Variants in MACROD2 observed in about 807,000 individuals in gnomAD.
The protein encoded by MACROD2 is mono-ADP ribosylhydrolase 2, also known as ADP-ribose glycohydrolase MACROD2.
MACROD2 carries 36 observed loss-of-function variants against 70.4 expected under a neutral mutation model. The ratio of observed to expected loss-of-function variants is 0.51; its 90% CI spans 0.39 to 0.68. The LOEUF (loss-of-function observed/expected upper bound fraction) is 0.68, where lower values mean the gene tolerates loss of function less well. Among genes scored for constraint, MACROD2 ranks in the 30% least tolerant of loss-of-function variants. The probability of loss-of-function intolerance (pLI) is 0.00; values close to 1 mark genes in which losing one functional copy is unlikely to be tolerated. For missense variants in MACROD2, 496 were observed against 538.4 expected, an observed-to-expected ratio of 0.92 and a Z score of 0.78; for synonymous variants, 172 against 178.8, an observed-to-expected ratio of 0.96 and a Z score of 0.30.
At chr20:14,443,136 C>T (rs1392060067) in intron 3 of MACROD2, among the ~76,000 whole-genome samples, 1 of 151,586 alleles carries the variant, frequency 6.6e-6, no homozygotes, top group African/African-American at 2.4e-5. Context: ...GACCCTGCCA[C>T]AGAAAACTTG....
rs1178367623 is a variant in MACROD2 at position 14,756,652 on chromosome 20, C to G, written c.418+71693C>G. On this transcript the variant is annotated intron_variant, in intron 5 of 17. Transcript: ENST00000684519. Reference sequence around the variant, plus strand: ...TCTAATGAGGCTTTAGACTACTGCTCCTAGCTTTATGAAAATATTTCTAAC... The same window carrying G: ...TCTAATGAGGCTTTAGACTACTGCTGCTAGCTTTATGAAAATATTTCTAAC... 4.6e-5 allele frequency among the ~76,000 whole-genome samples: 7 copies of G among 152,004 alleles called. 1 individual carries two copies. Among genetic ancestry groups the G allele is most frequent in the Non-Finnish European group, 1.0e-4 (7 of 68,020 alleles).
chr20:15,414,073 A>G (rs761213842), intron 6 of MACROD2, among the ~76,000 whole-genome samples: 1 of 152,178 alleles, frequency 6.6e-6, no homozygotes, highest in Non-Finnish European at 1.5e-5. Context: ...TATATATATC[A>G]TTAGATTTTT....
rs143426464 is a variant in MACROD2, at chr20:14,901,154, A to G, written c.418+216195A>G. Among the ~76,000 whole-genome samples the G allele has an allele frequency of 3.9e-4, 59 of 152,202 alleles. 1 individual carries two copies. Among genetic ancestry groups the G allele is most frequent in the African/African-American group, 1.0e-3 (43 of 41,576 alleles). On this transcript the variant is annotated intron_variant, in intron 5 of 17. Coordinates refer to ENST00000684519, the MANE Select transcript of MACROD2 (RefSeq NM_001351661.2). ...ATCTGATGGAAGATAGTATTATTCTATAATAAAATATTTTAACTTTTACTT... is the reference window on the plus strand; with the variant it reads ...ATCTGATGGAAGATAGTATTATTCTGTAATAAAATATTTTAACTTTTACTT...
intron 7 of MACROD2, among the ~76,000 whole-genome samples, chr20:15,473,411 C>T (rs1600462840): frequency 6.6e-6 from 1 of 152,298 alleles, no homozygotes; most frequent in East Asian, 1.9e-4. Flanking sequence ...AATCCTCTGT[C>T]AGTTTTAAAA....
intron 3 of MACROD2, among the ~76,000 whole-genome samples, chr20:14,318,698 T>G (rs976089297): frequency 6.6e-6 from 1 of 152,212 alleles, no homozygotes; most frequent in Non-Finnish European, 1.5e-5. Flanking sequence ...CCACCTCTTA[T>G]GACCAGCAGC....
chr20:14,434,431 G>T (rs1230968815), intron 3 of MACROD2, among the ~76,000 whole-genome samples: 1 of 151,376 alleles, frequency 6.6e-6, no homozygotes, highest in South Asian at 2.1e-4. Context: ...CCCTTTCCCA[G>T]TATTAGGTGC....
intron 5 of MACROD2, among the ~76,000 whole-genome samples, chr20:15,076,734 CT>C (rs1568561222): frequency 5.3e-5 from 8 of 151,898 alleles, no homozygotes. Flanking sequence ...GTTATTTCTT[CT>C]TTTATTTATT....
chr20:15,567,668 G>A (rs1296726757), intron 8 of MACROD2, among the ~76,000 whole-genome samples: 5 of 152,132 alleles, frequency 3.3e-5, no homozygotes, highest in African/African-American at 1.2e-4. Context: ...TTTCAGTATT[G>A]GAGGATTATA....
rs186207225 is a variant in MACROD2 at position 14,037,343 on chromosome 20, A to G, written c.163+34939A>G. Among the ~76,000 whole-genome samples the G allele has an allele frequency of 1.6e-4, 24 of 152,352 alleles. No individual in the cohort carries two copies. In the South Asian group the frequency reaches 1.7e-3, roughly 11 times the overall value. On this transcript the variant is annotated intron_variant, in intron 2 of 17. Transcript: ENST00000684519. ...GTTTCTATAAAAATTCTACAATTAT[A>G]GAAATATTTTTACAGTGTCCTATTC... is the stretch of plus-strand genomic sequence containing the variant.
intron 6 of MACROD2, among the ~76,000 whole-genome samples, chr20:15,407,348 C>G (rs973549653): frequency 3.3e-5 from 5 of 152,142 alleles, no homozygotes; most frequent in Non-Finnish European, 5.9e-5. Flanking sequence ...CAGAGCACCC[C>G]CAACAGGATG....
intron 10 of MACROD2, among the ~76,000 whole-genome samples, chr20:15,915,344 A>G (rs1261025818): frequency 6.6e-6 from 1 of 152,118 alleles, no homozygotes; most frequent in Non-Finnish European, 1.5e-5. Context: ...TACGATTACA[A>G]GTGACTTATG....
intron 3 of MACROD2, among the ~76,000 whole-genome samples, chr20:14,431,858 C>A (rs2083998068): frequency 6.6e-6 from 1 of 152,058 alleles, no homozygotes; most frequent in Non-Finnish European, 1.5e-5. Flanking sequence ...ATATGCCAGG[C>A]TTGAAGAAAG....
chr20:14,868,381 A>G (rs1419515376), intron 5 of MACROD2, among the ~76,000 whole-genome samples: 1 of 151,482 alleles, frequency 6.6e-6, no homozygotes, highest in African/African-American at 2.4e-5. Flanking sequence ...TGGAGACAGA[A>G]TCTCAAACTC....
At position 15,846,911 on chromosome 20, in the gene MACROD2, T is replaced by TTATATATATA. The variant is rs33993940; in HGVS notation, c.646-15802_646-15793dup. 3.3e-3 allele frequency among the ~76,000 whole-genome samples: 460 copies of TTATATATATA among 137,792 alleles called. 4 individuals carry two copies. The highest frequency in any genetic ancestry group is 7.9e-3 in the East Asian group (32 of 4,048). 90.4% of individuals were successfully genotyped at this position (137,792 alleles called of 152,430 possible). On this transcript the variant is annotated intron_variant, in intron 8 of 17. Coordinates refer to ENST00000684519, the MANE Select transcript of MACROD2 (RefSeq NM_001351661.2). ...GACCTTGACATAGTCAAAAAAAAAA[T>TTATATATATA]TATATATATATATATATATATATAT...
intron 5 of MACROD2, among the ~76,000 whole-genome samples, chr20:15,056,652 A>C (rs1408994983): frequency 6.6e-6 from 1 of 152,186 alleles, no homozygotes; most frequent in Non-Finnish European, 1.5e-5. Context: ...AAAGTTTGGA[A>C]TCAATCAAGG....
intron 8 of MACROD2, among the ~76,000 whole-genome samples, chr20:15,846,911 T>TA (rs1491315029): frequency 8.0e-5 from 11 of 138,166 alleles, no homozygotes; most frequent in African/African-American, 2.5e-4. Context: ...AAAAAAAAAA[T>TA]TATATATATA....
chr20:14,732,715 C>T (rs1169916230), intron 5 of MACROD2, among the ~76,000 whole-genome samples: 12 of 151,678 alleles, frequency 7.9e-5, no homozygotes, highest in Non-Finnish European at 1.5e-4. Flanking sequence ...TTTTTCTTTT[C>T]CCCTGAAAAG....
chr20:14,355,808 A>C (rs954706008), intron 3 of MACROD2, among the ~76,000 whole-genome samples: 2 of 152,224 alleles, frequency 1.3e-5, no homozygotes, highest in Non-Finnish European at 2.9e-5. Flanking sequence ...TGTTATTAAA[A>C]AGGTCTGGTA....
chr20:15,399,167 G>C (rs2045897835), intron 6 of MACROD2, among the ~76,000 whole-genome samples: 1 of 152,162 alleles, frequency 6.6e-6, no homozygotes, highest in Non-Finnish European at 1.5e-5. Flanking sequence ...AGGCTGAAAA[G>C]GGAGGAAATG....
Sources: gnomAD v4.1 joint callset for allele counts (sites outside exome capture counted in the v4.1 genomes callset) on GRCh38, gnomAD v4.1.1 for gene constraint, MANE v1.5 for transcripts, NCBI Gene and HGNC (gene_info 2026-07-23, HGNC 2026-07-21) for gene names.